Variants in ST8SIA4 observed in about 807,000 individuals in gnomAD.
The protein encoded by ST8SIA4 is ST8 alpha-N-acetyl-neuraminide alpha-2,8-sialyltransferase 4, also known as CMP-N-acetylneuraminate-poly-alpha-2,8-sialyltransferase.
In ST8SIA4, 15 loss-of-function variants were observed where a neutral mutation model predicts 33.9. That is an observed-to-expected ratio of 0.44 (90% confidence interval 0.30 to 0.68). The LOEUF (loss-of-function observed/expected upper bound fraction) is 0.68, where lower values mean the gene tolerates loss of function less well. Among genes scored for constraint, ST8SIA4 ranks in the 30% least tolerant of loss-of-function variants. ST8SIA4 has a pLI of 0.10. For synonymous variants in ST8SIA4, 171 were observed against 151.2 expected, an observed-to-expected ratio of 1.13 and a Z score of -0.96; for missense variants, 321 against 428.0, an observed-to-expected ratio of 0.75 and a Z score of 2.21.
intron 4 of ST8SIA4, among the ~76,000 whole-genome samples, chr5:100,832,320 T>A (rs969007573): frequency 6.6e-6 from 1 of 152,106 alleles, no homozygotes; most frequent in African/African-American, 2.4e-5. Flanking sequence ...CTGGGACATA[T>A]GCCTAAGGGA....
intron 3 of ST8SIA4, among the ~76,000 whole-genome samples, chr5:100,859,968 T>C (rs1200062471): frequency 6.6e-6 from 1 of 152,158 alleles, no homozygotes; most frequent in Non-Finnish European, 1.5e-5. Flanking sequence ...TTTATGTTAT[T>C]TAACAATGAC....
intron 4 of ST8SIA4, among the ~76,000 whole-genome samples, chr5:100,834,550 C>A (rs1183021200): frequency 6.6e-6 from 1 of 151,944 alleles, no homozygotes; most frequent in Non-Finnish European, 1.5e-5. Context: ...CACTACTGAT[C>A]AAATTGATTC....
At chr5:100,877,853 A>G (rs3776173) in intron 3 of ST8SIA4, among the ~76,000 whole-genome samples, 9,341 of 152,182 alleles carry the variant, frequency 0.061, 549 homozygotes, top group Admixed American at 0.15. Flanking sequence ...ACAAATTGGT[A>G]TTTGTGAGCT....
chr5:100,831,663 A>G (rs1424298435), intron 4 of ST8SIA4, among the ~76,000 whole-genome samples: 1 of 152,096 alleles, frequency 6.6e-6, no homozygotes, highest in Non-Finnish European at 1.5e-5. Flanking sequence ...GTGTTTCATG[A>G]AATTCATTTT....
chr5:100,844,573 C>T (rs1228652714), intron 4 of ST8SIA4, among the ~76,000 whole-genome samples: 1 of 151,894 alleles, frequency 6.6e-6, no homozygotes, highest in African/African-American at 2.4e-5. Flanking sequence ...TGATTCTTCT[C>T]TTGTAGGTCT....
At chr5:100,900,765 G>T (rs1752890822) in intron 1 of ST8SIA4, among the ~76,000 whole-genome samples, 1 of 130,488 alleles carries the variant, frequency 7.7e-6, no homozygotes, top group African/African-American at 2.8e-5. Context: ...TTGGGTGGGG[G>T]GTGGGGGTGG....
chr5:100,879,554 G>T (rs1260627834), intron 3 of ST8SIA4, among the ~76,000 whole-genome samples: 2 of 152,046 alleles, frequency 1.3e-5, no homozygotes, highest in African/African-American at 4.8e-5. Context: ...GTTATCAAAA[G>T]ATTTCAGATG....
intron 3 of ST8SIA4, among the ~76,000 whole-genome samples, chr5:100,861,249 T>G (rs557361371): frequency 6.6e-6 from 1 of 152,082 alleles, no homozygotes; most frequent in East Asian, 1.9e-4. Context: ...ATTCTCAACT[T>G]GATAGAAATA....
intron 4 of ST8SIA4, among the ~76,000 whole-genome samples, chr5:100,850,213 T>C (rs1751663209): frequency 6.6e-6 from 1 of 152,112 alleles, no homozygotes; most frequent in Non-Finnish European, 1.5e-5. Flanking sequence ...AAATGGTAAA[T>C]AACTTTAGAA....
intron 3 of ST8SIA4, among the ~76,000 whole-genome samples, chr5:100,865,364 A>G (rs1002603409): frequency 1.3e-5 from 2 of 152,172 alleles, no homozygotes; most frequent in African/African-American, 2.4e-5. Flanking sequence ...AGTCCAATTG[A>G]TCACTCCGTA....
chr5:100,900,353 C>T, intron 1 of ST8SIA4: 1 of 453,644 alleles, frequency 2.2e-6, no homozygotes, highest in Non-Finnish European at 4.4e-6. Flanking sequence ...AGCCGAACCT[C>T]CATTCCAGTT....
At chr5:100,823,786 T>C (rs537964291) in intron 4 of ST8SIA4, among the ~76,000 whole-genome samples, 12 of 152,336 alleles carry the variant, frequency 7.9e-5, no homozygotes, top group Non-Finnish European at 1.6e-4. Context: ...AATATAGCAA[T>C]CATGAAATTC....
rs1750727896 is a variant in ST8SIA4 at position 100,807,880 on chromosome 5, G to A, written c.*3967C>T. 1 of 152,234 alleles carries A rather than the reference G, an allele frequency of 6.6e-6. No homozygotes were observed. The highest frequency in any genetic ancestry group is 6.6e-5 in the Admixed American group (1 of 15,266). 9.4% of individuals were successfully genotyped at this position (152,234 alleles called of 1,614,324 possible). On this transcript the variant is annotated 3_prime_UTR_variant, in exon 5 of 5. Coordinates refer to ENST00000231461, the MANE Select transcript of ST8SIA4 (RefSeq NM_005668.6). ...TTTGTACTATATAGGTATATCTATAGCACATATATAATAAAATATCTATTT... is the reference window on the plus strand; with the variant it reads ...TTTGTACTATATAGGTATATCTATAACACATATATAATAAAATATCTATTT...
intron 3 of ST8SIA4, among the ~76,000 whole-genome samples, chr5:100,876,241 G>C (rs993696993): frequency 2.0e-5 from 3 of 152,010 alleles, no homozygotes; most frequent in African/African-American, 7.2e-5. Context: ...ATCATTTTCT[G>C]CAGTTTTAAG....
chr5:100,861,864 T>C (rs1751951717), intron 3 of ST8SIA4, among the ~76,000 whole-genome samples: 1 of 152,206 alleles, frequency 6.6e-6, no homozygotes, highest in South Asian at 2.1e-4. Context: ...ATGGGAACTG[T>C]ACTGGGAAAA....
rs925580162 is a variant in ST8SIA4, at chr5:100,865,844, C to T, written c.504-9448G>A. On this transcript the variant is annotated intron_variant, in intron 3 of 4. Transcript: ENST00000231461. ...TCTTGCCACTGTCCAATTTTAGTTA[C>T]GCCTTGCTTAGATTTTTTTTATAAT... 5.3e-5 allele frequency among the ~76,000 whole-genome samples: 8 copies of T among 152,034 alleles called. No individual in the cohort carries two copies. In the East Asian group the frequency reaches 7.7e-4, roughly 15 times the overall value.
rs770551111 is a variant in ST8SIA4 at position 100,895,717 on chromosome 5, G to C, written c.182C>G (p.Ser61Cys). 2.5e-6 allele frequency: 4 copies of C among 1,612,900 alleles called. No individual in the cohort carries two copies. The highest frequency in any genetic ancestry group is 1.7e-4 in the Middle Eastern group (1 of 6,056). The change falls in exon 2 of 5, where the codon TCT becomes TGT. Residue 61 changes from serine to cysteine, a missense_variant. By Grantham distance (112) the Ser-to-Cys change is moderately radical. Coordinates refer to ENST00000231461, the MANE Select transcript of ST8SIA4 (RefSeq NM_005668.6). Reference sequence around the variant, plus strand: ...TTCTACATTGTGCTGGAAGATTGAAGAGCCAGCCTTTCGAATGATTTTATC... The same window carrying C: ...TTCTACATTGTGCTGGAAGATTGAACAGCCAGCCTTTCGAATGATTTTATC... ...SSDKIIRKAG[S>C]SIFQHNVEGW...
chr5:100,890,543 A>C (rs1408424839), intron 2 of ST8SIA4: 1 of 151,944 alleles, frequency 6.6e-6, no homozygotes, highest in Admixed American at 6.6e-5. Flanking sequence ...ATGAATCAAC[A>C]AAAGCTAATG....
chr5:100,811,763 C>A lies in ST8SIA4; in HGVS notation c.*84G>T, dbSNP rs751366517. ...TTCAGTTCATTGGTGGATGCTGAAA[C>A]CCAGCCGTGTTTTGGATCCTATTTT... On this transcript the variant is annotated 3_prime_UTR_variant, in exon 5 of 5. Coordinates refer to ENST00000231461, the MANE Select transcript of ST8SIA4 (RefSeq NM_005668.6). The A allele has an allele frequency of 1.4e-5, 20 of 1,406,040 alleles. No individual in the cohort carries two copies. Among genetic ancestry groups the A allele is most frequent in the Admixed American group, 4.8e-5 (2 of 41,788 alleles). 87.1% of individuals were successfully genotyped at this position (1,406,040 alleles called of 1,614,324 possible).
Sources: allele counts gnomAD v4.1 joint callset (sites outside exome capture counted in the v4.1 genomes callset), GRCh38; gene constraint gnomAD v4.1.1; transcripts MANE v1.5; gene names NCBI Gene and HGNC (gene_info 2026-07-23, HGNC 2026-07-21).